RTN1: variants seen among roughly 807,000 people sequenced by gnomAD.
RTN1 encodes the protein reticulon 1.
Under a neutral mutation model 65.5 loss-of-function variants are expected in RTN1, and 25 were observed. The observed-to-expected ratio is 0.38, with a 90% CI of 0.28 to 0.53. RTN1 has a LOEUF of 0.53. Ranked by LOEUF, RTN1 falls within the 20% of genes least tolerant of loss-of-function variation. The pLI is 0.79. For synonymous variants in RTN1, 471 were observed against 447.6 expected (o/e 1.05, Z -0.66); for missense variants, 983 against 1,025.4 (o/e 0.96, Z 0.57).
At position 59,790,082 on chromosome 14, in the gene RTN1, T is replaced by C. The variant is rs1886321269; in HGVS notation, c.242-43601A>G. Among the ~76,000 whole-genome samples the C allele has an allele frequency of 6.6e-6, 1 of 152,078 alleles. No individual in the cohort carries two copies. Among genetic ancestry groups the C allele is most frequent in the Non-Finnish European group, 1.5e-5 (1 of 67,984 alleles). Reference sequence around the variant, plus strand: ...ATGATATTGTTACCAAAGTGATAAATAATTAGAAATAGATAGGAGAAGATA... The same window carrying C: ...ATGATATTGTTACCAAAGTGATAAACAATTAGAAATAGATAGGAGAAGATA... On this transcript the variant is annotated intron_variant, in intron 1 of 8. Coordinates refer to ENST00000267484, the MANE Select transcript of RTN1 (RefSeq NM_021136.3). The surrounding 1 kb of genome is among the most constrained non-coding windows in gnomAD (Gnocchi z 4.1).
At position 59,744,996 on chromosome 14, in the gene RTN1, C is replaced by T. The variant is rs555402750; in HGVS notation, c.1015+712G>A. Among the ~76,000 whole-genome samples the T allele has an allele frequency of 2.6e-5, 4 of 152,292 alleles. No homozygotes were observed. The South Asian group carries it at 8.3e-4, about 32-fold the overall frequency. On this transcript the variant is annotated intron_variant, in intron 2 of 8. Transcript: ENST00000267484. ...TACGAAATATTGAACGATGAAGGCT[C>T]TGCCTTCATGAGTGGATTATCCCAC...
At chr14:59,780,540 T>A (rs1017492855) in intron 1 of RTN1, among the ~76,000 whole-genome samples, 1 of 152,032 alleles carries the variant, frequency 6.6e-6, no homozygotes, top group Non-Finnish European at 1.5e-5. Flanking sequence ...CAAGAAAAAA[T>A]ATGGAGCATA....
At chr14:59,702,909 G>T (rs1474331635) in intron 3 of RTN1, among the ~76,000 whole-genome samples, 2 of 152,154 alleles carry the variant, frequency 1.3e-5, no homozygotes, top group Non-Finnish European at 2.9e-5. Flanking sequence ...CAGCCACCCT[G>T]GCTTCCTTGC....
At chr14:59,821,469 T>C (rs1886943274) in intron 1 of RTN1, among the ~76,000 whole-genome samples, 1 of 152,228 alleles carries the variant, frequency 6.6e-6, no homozygotes, top group African/African-American at 2.4e-5. Flanking sequence ...CAAAGACAGA[T>C]AGTTTCACCT....
intron 3 of RTN1, among the ~76,000 whole-genome samples, chr14:59,618,562 A>G (rs1327525710): frequency 6.6e-6 from 1 of 152,188 alleles, no homozygotes; most frequent in Non-Finnish European, 1.5e-5. Flanking sequence ...CTCTTTCTCT[A>G]TTGCAATTCC....
At chr14:59,746,676 A>AT (rs1396827628) in intron 1 of RTN1, among the ~76,000 whole-genome samples, 195 bp from the exon 2 acceptor site, 1 of 152,054 alleles carries the variant, frequency 6.6e-6, no homozygotes, top group African/African-American at 2.4e-5. Context: ...TACTTGTGGT[A>AT]TTTTTCCAGT....
At chr14:59,690,314 T>G (rs1158521360) in intron 3 of RTN1, among the ~76,000 whole-genome samples, 2 of 147,204 alleles carry the variant, frequency 1.4e-5, no homozygotes, top group Admixed American at 6.8e-5. Context: ...TGGGGGGGGG[T>G]CATTATCCTT....
At chr14:59,710,922 C>T (rs1884406496) in intron 3 of RTN1, among the ~76,000 whole-genome samples, 1 of 152,168 alleles carries the variant, frequency 6.6e-6, no homozygotes, top group Admixed American at 6.5e-5. Context: ...AAGCATTATT[C>T]AATTTAAATT....
At chr14:59,804,034 A>G (rs1050178651) in intron 1 of RTN1, among the ~76,000 whole-genome samples, 1 of 152,168 alleles carries the variant, frequency 6.6e-6, no homozygotes, top group Non-Finnish European at 1.5e-5. Flanking sequence ...GTATTGATAT[A>G]TTATTATGAA....
chr14:59,627,535 T>C (rs766723350), intron 3 of RTN1, among the ~76,000 whole-genome samples: 1 of 152,236 alleles, frequency 6.6e-6, no homozygotes, highest in Non-Finnish European at 1.5e-5. Flanking sequence ...TACAGGTGTT[T>C]TGCTAGGTTG....
At chr14:59,714,978 G>C (rs917460263) in intron 3 of RTN1, among the ~76,000 whole-genome samples, 4 of 152,170 alleles carry the variant, frequency 2.6e-5, no homozygotes, top group African/African-American at 9.7e-5. Flanking sequence ...AAGGGATCTA[G>C]GCTGTATGCT....
chr14:59,854,639 CAAAAAAAAAA>C (rs552017689), intron 1 of RTN1, among the ~76,000 whole-genome samples: 16 of 71,788 alleles, frequency 2.2e-4, no homozygotes, highest in African/African-American at 1.1e-3. Context: ...GACTGCGTCT[CAAAAAAAAAA>C]AAAAAAAAAA....
At chr14:59,770,481 A>C (rs1885934755) in intron 1 of RTN1, among the ~76,000 whole-genome samples, 1 of 151,886 alleles carries the variant, frequency 6.6e-6, no homozygotes, top group Admixed American at 6.6e-5. Flanking sequence ...GAAATGCATC[A>C]GATTTGCAGT....
At chr14:59,598,120 A>C (rs2140155267) in intron 8 of RTN1, among the ~76,000 whole-genome samples, 1 of 152,258 alleles carries the variant, frequency 6.6e-6, no homozygotes, top group South Asian at 2.1e-4. Context: ...GAACAGAGGG[A>C]GAGAAACCCA....
intron 3 of RTN1, among the ~76,000 whole-genome samples, chr14:59,643,193 G>A (rs1377402712): frequency 6.6e-6 from 1 of 152,110 alleles, no homozygotes; most frequent in Admixed American, 6.5e-5. Flanking sequence ...AAGACTGCTT[G>A]AGACAAGAAG....
intron 3 of RTN1, among the ~76,000 whole-genome samples, chr14:59,660,240 C>T (rs1333387955): frequency 5.3e-5 from 8 of 152,148 alleles, no homozygotes; most frequent in Non-Finnish European, 1.2e-4. Context: ...ATTCATAAAA[C>T]AAGTTCTTAG....
chr14:59,684,961 A>G (rs140456580), intron 3 of RTN1, among the ~76,000 whole-genome samples: 213 of 152,188 alleles, frequency 1.4e-3, no homozygotes, highest in Non-Finnish European at 2.3e-3. Flanking sequence ...TGAAAATTTT[A>G]AAAAGTAACT....
At chr14:59,819,424 CACCCCCCACCCCCCCCCCCCG>C (rs1886891849) in intron 1 of RTN1, among the ~76,000 whole-genome samples, 2 of 11,858 alleles carry the variant, frequency 1.7e-4, no homozygotes, top group East Asian at 3.1e-3. Context: ...ACCCCCCCCC[CACCCCCCACCCCCCCCCCCCG>C]GCCACAGCTA....
At chr14:59,863,683 C>A (rs1363454157) in intron 1 of RTN1, among the ~76,000 whole-genome samples, 1 of 152,108 alleles carries the variant, frequency 6.6e-6, no homozygotes, top group Non-Finnish European at 1.5e-5. Flanking sequence ...ACTCCCCAGC[C>A]CCACTCTACA....
Sources: gnomAD v4.1 joint callset for allele counts (sites outside exome capture counted in the v4.1 genomes callset) on GRCh38, gnomAD v4.1.1 for gene constraint, Gnocchi (gnomAD v3.1) non-coding constraint, MANE v1.5 for transcripts, NCBI Gene and HGNC (gene_info 2026-07-23, HGNC 2026-07-21) for gene names.